Variants in HYDIN observed in about 807,000 individuals in gnomAD.
The protein encoded by HYDIN is axonemal central pair apparatus protein HYDIN.
A neutral mutation model predicts 403.9 loss-of-function variants in HYDIN; 132 were observed. The observed-to-expected ratio is 0.33, with a 90% confidence interval of 0.28 to 0.38. HYDIN has a LOEUF of 0.38. HYDIN is among the 10% of genes least tolerant of loss of function. The pLI is 1.00. For missense variants in HYDIN, 2,827 were observed against 5,009.5 expected (o/e 0.56, Z 13.15); for synonymous variants, 1,202 against 1,891.7 (o/e 0.64, Z 9.46).
chr16:71,116,635 A>G (rs1413049455), intron 9 of HYDIN, among the ~76,000 whole-genome samples: 1 of 152,164 alleles, frequency 6.6e-6, no homozygotes, highest in Non-Finnish European at 1.5e-5. Context: ...GTACCAATCT[A>G]CAGTCCCACC....
chr16:70,954,375 C>T (rs969178860), intron 40 of HYDIN, among the ~76,000 whole-genome samples: 2 of 125,690 alleles, frequency 1.6e-5, no homozygotes, highest in Non-Finnish European at 3.3e-5. Context: ...GGGAGGATCG[C>T]TTGAGCCCAG....
At chr16:70,837,050 C>T (rs2037475576) in intron 77 of HYDIN, among the ~76,000 whole-genome samples, 1 of 152,254 alleles carries the variant, frequency 6.6e-6, no homozygotes, top group South Asian at 2.1e-4. Context: ...GGATTTTAAT[C>T]TTCCAAAACC....
At chr16:71,196,656 C>G (rs2087710756) in intron 1 of HYDIN, among the ~76,000 whole-genome samples, 2 of 152,136 alleles carry the variant, frequency 1.3e-5, no homozygotes, top group Non-Finnish European at 2.9e-5. Context: ...GCCAGTTAGG[C>G]ATTCTAAGTC....
chr16:71,198,421 T>C (rs1205390352), intron 1 of HYDIN, among the ~76,000 whole-genome samples: 1 of 152,176 alleles, frequency 6.6e-6, no homozygotes, highest in East Asian at 1.9e-4. Context: ...ATAGGCTCTC[T>C]GTGTGGTCTT....
chr16:71,211,464 C>A (rs1414876188), intron 1 of HYDIN, among the ~76,000 whole-genome samples: 3 of 151,598 alleles, frequency 2.0e-5, no homozygotes, highest in Non-Finnish European at 4.4e-5. Context: ...CAAGGTGAAA[C>A]CCCGTCTCTA....
At chr16:71,122,814 T>G in intron 9 of HYDIN, among the ~76,000 whole-genome samples, 1 of 151,522 alleles carries the variant, frequency 6.6e-6, no homozygotes, top group Non-Finnish European at 1.5e-5. Flanking sequence ...TAAATTAAGC[T>G]TAAGCTTCCC....
chr16:70,914,058 G>A (rs1319034271), intron 47 of HYDIN, among the ~76,000 whole-genome samples: 2 of 150,238 alleles, frequency 1.3e-5, no homozygotes, highest in African/African-American at 4.9e-5. Flanking sequence ...GTTGGTTGGT[G>A]AATTCTTATC....
At chr16:70,966,273 C>G (rs1287003230) in intron 36 of HYDIN, among the ~76,000 whole-genome samples, 3 of 151,804 alleles carry the variant, frequency 2.0e-5, no homozygotes, top group African/African-American at 7.3e-5. Flanking sequence ...TTCCACAGAG[C>G]CTGACTCTTG....
intron 83 of HYDIN, among the ~76,000 whole-genome samples, chr16:70,820,260 G>C (rs1377904152): frequency 7.8e-6 from 1 of 128,232 alleles, no homozygotes; most frequent in Non-Finnish European, 1.6e-5. Context: ...GCGCAATCTC[G>C]GCTCCCGGCA....
chr16:71,161,368 A>C (rs1194934595), intron 6 of HYDIN, among the ~76,000 whole-genome samples: 2 of 152,242 alleles, frequency 1.3e-5, no homozygotes, highest in Non-Finnish European at 2.9e-5. Flanking sequence ...CCTGCTGTGC[A>C]GCCTGATTCC....
intron 18 of HYDIN, among the ~76,000 whole-genome samples, chr16:71,035,799 A>G (rs1393909007): frequency 1.3e-5 from 2 of 152,200 alleles, no homozygotes; most frequent in Non-Finnish European, 2.9e-5. Context: ...TACTAAACGG[A>G]TTCTGACATA....
At chr16:71,035,846 C>G (rs2081067528) in intron 18 of HYDIN, among the ~76,000 whole-genome samples, 1 of 152,000 alleles carries the variant, frequency 6.6e-6, no homozygotes, top group Non-Finnish European at 1.5e-5. Context: ...ATATTGACAT[C>G]CAGCTGGCCA....
intron 37 of HYDIN, among the ~76,000 whole-genome samples, chr16:70,963,586 G>A (rs4125036): frequency 0.018 from 1,354 of 73,480 alleles, 143 homozygotes; most frequent in Admixed American, 0.18. Flanking sequence ...CTTCAGATTT[G>A]GGAGAAAAGA....
intron 39 of HYDIN, among the ~76,000 whole-genome samples, chr16:70,957,535 C>T (rs551887090): frequency 2.5e-3 from 380 of 152,194 alleles, no homozygotes; most frequent in African/African-American, 8.7e-3. Context: ...CCATGTTGGC[C>T]GGGCTGGTCT....
At chr16:70,902,821 A>ATATATTTTTTTTTTTTTT in intron 52 of HYDIN, among the ~76,000 whole-genome samples, 3 of 47,308 alleles carry the variant, frequency 6.3e-5, no homozygotes, top group African/African-American at 2.3e-4. Context: ...ATATATATAT[A>ATATATTTTTTTTTTTTTT]TTTTTTTTTT....
intron 71 of HYDIN, among the ~76,000 whole-genome samples, chr16:70,858,908 G>A (rs1176335808): frequency 6.6e-6 from 1 of 151,366 alleles, no homozygotes. Flanking sequence ...GTCAAAACCA[G>A]GTGGAGAGTC....
chr16:71,224,065 T>C (rs1366980791), intron 1 of HYDIN, among the ~76,000 whole-genome samples: 1 of 152,090 alleles, frequency 6.6e-6, no homozygotes, highest in East Asian at 1.9e-4. Flanking sequence ...GATCAACAAG[T>C]GGATAAAGAA....
chr16:71,127,739 C>T (rs2084529167), intron 9 of HYDIN, among the ~76,000 whole-genome samples: 2 of 152,218 alleles, frequency 1.3e-5, no homozygotes, highest in African/African-American at 2.4e-5. Flanking sequence ...CCGCATGAAC[C>T]TTACCAGTAT....
chr16:71,223,383 A>G (rs2040885769), intron 1 of HYDIN, among the ~76,000 whole-genome samples: 1 of 152,180 alleles, frequency 6.6e-6, no homozygotes. Flanking sequence ...AGAAGATAAC[A>G]TTGGAAAAAC....
Sources: allele counts gnomAD v4.1 joint callset (sites outside exome capture counted in the v4.1 genomes callset), GRCh38; gene constraint gnomAD v4.1.1; transcripts MANE v1.5; gene names NCBI Gene and HGNC (gene_info 2026-07-23, HGNC 2026-07-21).